Variants in NKAIN1 observed in about 807,000 individuals in gnomAD.
NKAIN1 encodes the protein sodium/potassium transporting ATPase interacting 1.
Under a neutral mutation model 31.6 loss-of-function variants are expected in NKAIN1, and 13 were observed. The observed-to-expected ratio is 0.41, with a 90% CI of 0.27 to 0.65. The LOEUF is 0.65. Ranked by LOEUF, NKAIN1 falls within the 30% of genes least tolerant of loss-of-function variation. The probability of loss-of-function intolerance (pLI) is 0.30; values close to 1 mark genes in which losing one functional copy is unlikely to be tolerated. For synonymous variants in NKAIN1, 104 were observed against 109.0 expected, an observed-to-expected ratio of 0.95 and a Z score of 0.28; for missense variants, 193 against 262.2, an observed-to-expected ratio of 0.74 and a Z score of 1.82.
chr1:31,197,304 G>A (rs1360696618), intron 1 of NKAIN1, among the ~76,000 whole-genome samples: 7 of 151,566 alleles, frequency 4.6e-5, no homozygotes, highest in African/African-American at 1.5e-4. Flanking sequence ...GTAGAGACGG[G>A]GTTTCATCGT....
chr1:31,211,184 A>G (rs909563441), intron 1 of NKAIN1, among the ~76,000 whole-genome samples: 2 of 152,238 alleles, frequency 1.3e-5, no homozygotes, highest in African/African-American at 4.8e-5. Flanking sequence ...AAGAAATCAA[A>G]GGCATCCACA....
chr1:31,214,302 T>C (rs1324014004), intron 1 of NKAIN1, among the ~76,000 whole-genome samples: 1 of 151,958 alleles, frequency 6.6e-6, no homozygotes, highest in African/African-American at 2.4e-5. Context: ...GAGTGACTGC[T>C]AATGGGTTTG....
intron 1 of NKAIN1, among the ~76,000 whole-genome samples, chr1:31,196,923 C>T (rs1645331789): frequency 6.6e-6 from 1 of 152,038 alleles, no homozygotes; most frequent in Non-Finnish European, 1.5e-5. Context: ...TTATACAACT[C>T]TTGGCACGGC....
intron 1 of NKAIN1, among the ~76,000 whole-genome samples, chr1:31,197,390 C>T (rs1427268619): frequency 2.6e-5 from 4 of 151,970 alleles, no homozygotes; most frequent in South Asian, 2.1e-4. Flanking sequence ...GGATTACAGG[C>T]GTGAGCTACC....
intron 1 of NKAIN1, among the ~76,000 whole-genome samples, chr1:31,219,063 C>G (rs750137885): frequency 3.9e-5 from 6 of 152,238 alleles, no homozygotes; most frequent in Non-Finnish European, 5.9e-5. Flanking sequence ...GGCAGGAGCA[C>G]CAATGCGGGT....
At chr1:31,190,842 T>G (rs1645279280) in intron 1 of NKAIN1, among the ~76,000 whole-genome samples, 1 of 152,196 alleles carries the variant, frequency 6.6e-6, no homozygotes, top group East Asian at 1.9e-4. Context: ...TGACTCTGCC[T>G]GGCCTTGGGA....
rs189251756 is a variant in NKAIN1 at position 31,230,209 on chromosome 1, C to A, written c.54+9285G>T. Among the ~76,000 whole-genome samples the A allele has an allele frequency of 1.6e-4, 25 of 152,278 alleles. No homozygotes were observed. The East Asian group carries it at 3.9e-3, about 24-fold the overall frequency. On this transcript the variant is annotated intron_variant, in intron 1 of 6. Coordinates refer to ENST00000373736, the MANE Select transcript of NKAIN1 (RefSeq NM_024522.3). ...ATCCTGGGCATTCAAGAGTGTACCC[C>A]CTTTGTGAGCTCCCACTCCACACGT... is the stretch of plus-strand genomic sequence containing the variant.
At chr1:31,198,539 C>T (rs72891326) in intron 1 of NKAIN1, among the ~76,000 whole-genome samples, 11,231 of 143,686 alleles carry the variant, frequency 0.078, 989 homozygotes, top group African/African-American at 0.22. Flanking sequence ...TCCTCAAGCC[C>T]TGGCTCTCTG....
chr1:31,194,643 G>A (rs2148352382), intron 1 of NKAIN1, among the ~76,000 whole-genome samples: 1 of 151,688 alleles, frequency 6.6e-6, no homozygotes, highest in East Asian at 2.0e-4. Flanking sequence ...CCGACCTCAG[G>A]TGATTTGCCT....
At chr1:31,215,570 T>A (rs1225799758) in intron 1 of NKAIN1, among the ~76,000 whole-genome samples, 1 of 152,176 alleles carries the variant, frequency 6.6e-6, no homozygotes, top group Non-Finnish European at 1.5e-5. Flanking sequence ...GCTCTGATTA[T>A]CAGCACAGGC....
chr1:31,185,120 T>C lies in NKAIN1; in HGVS notation c.273+127A>G, dbSNP rs183696817. On this transcript the variant is annotated intron_variant, in intron 3 of 6. Coordinates refer to ENST00000373736, the MANE Select transcript of NKAIN1 (RefSeq NM_024522.3). ...GTAGGAAATGGGGCACACAGATTATTTGGGCATGTAAGGAGAGAGAGACTT... is the reference window on the plus strand; with the variant it reads ...GTAGGAAATGGGGCACACAGATTATCTGGGCATGTAAGGAGAGAGAGACTT... 25 of 704,922 alleles carry C rather than the reference T, an allele frequency of 3.5e-5. No individual in the cohort carries two copies. The East Asian group carries it at 4.6e-4, about 13-fold the overall frequency. The allele number at this position is 704,922 out of a possible 1,614,324, so 43.7% of individuals were successfully genotyped here.
intron 1 of NKAIN1, among the ~76,000 whole-genome samples, chr1:31,196,785 G>A (rs1297750221): frequency 6.6e-6 from 1 of 152,026 alleles, no homozygotes; most frequent in African/African-American, 2.4e-5. Context: ...CATCTTACCT[G>A]ACCTCAATTG....
At chr1:31,193,960 T>C (rs1176148432) in intron 1 of NKAIN1, 1 of 152,156 alleles carries the variant, frequency 6.6e-6, no homozygotes, top group Non-Finnish European at 1.5e-5. Context: ...TGCAAATGCA[T>C]GTGCACTGGG....
intron 1 of NKAIN1, chr1:31,193,832 C>T (rs1032650748): frequency 3.3e-5 from 5 of 152,236 alleles, no homozygotes; most frequent in Admixed American, 6.5e-5. Flanking sequence ...GCGTCAGCTC[C>T]GAAACACTAA....
intron 1 of NKAIN1, among the ~76,000 whole-genome samples, chr1:31,218,016 T>TTTTCTCTTTCTTTC (rs1645526522): frequency 1.8e-4 from 19 of 108,212 alleles, no homozygotes; most frequent in Non-Finnish European, 2.7e-4. Context: ...GCAGCTACCA[T>TTTTCTCTTTCTTTC]TTTCTTTCTT....
chr1:31,199,304 G>T (rs988681342), intron 1 of NKAIN1, among the ~76,000 whole-genome samples: 1 of 152,212 alleles, frequency 6.6e-6, no homozygotes, highest in African/African-American at 2.4e-5. Context: ...TTTCTCATTA[G>T]TGAAATGTCC....
chr1:31,191,355 A>AC (rs1457745092), intron 1 of NKAIN1, among the ~76,000 whole-genome samples: 1 of 149,540 alleles, frequency 6.7e-6, no homozygotes, highest in East Asian at 2.0e-4. Flanking sequence ...ACCCACTCAA[A>AC]CCCCCTCTGT....
rs1645673781 is a variant in NKAIN1, at chr1:31,233,650, T to A, written c.54+5844A>T. ...TTCCACATAAAGAAGAGCTGGAGTG[T>A]TTGTGGGAATGACCCTGATCACGAA... On this transcript the variant is annotated intron_variant, in intron 1 of 6. Transcript: ENST00000373736. The surrounding 1 kb of genome is among the most constrained non-coding windows in gnomAD (Gnocchi z 4.0). Among the ~76,000 whole-genome samples the A allele has an allele frequency of 6.6e-6, 1 of 152,086 alleles. No homozygotes were observed. Among genetic ancestry groups the A allele is most frequent in the African/African-American group, 2.4e-5 (1 of 41,386 alleles).
rs1203862514 is a variant in NKAIN1, at chr1:31,239,703, A to G, written c.-156T>C. The G allele has an allele frequency of 5.3e-6, 1 of 188,406 alleles. No individual in the cohort carries two copies. The highest frequency in any genetic ancestry group is 2.4e-5 in the African/African-American group (1 of 41,386). The allele number at this position is 188,406 out of a possible 1,614,324, so 11.7% of individuals were successfully genotyped here. On this transcript the variant is annotated 5_prime_UTR_variant, in exon 1 of 7. Transcript: ENST00000373736. This position sits in a 1 kb window ranked among gnomAD's most constrained non-coding sequence, Gnocchi z 4.8. ...CGGGCCCGGGAGTGTCCGGTCCCCA[A>G]GGCTGGGGCCGGCCGCCCGCGCTCC...
Sources: allele counts gnomAD v4.1 joint callset (sites outside exome capture counted in the v4.1 genomes callset), GRCh38; gene constraint gnomAD v4.1.1; non-coding constraint Gnocchi (gnomAD v3.1); transcripts MANE v1.5; gene names NCBI Gene and HGNC (gene_info 2026-07-23, HGNC 2026-07-21).